The following RERE variants were observed in gnomAD, a reference collection of about 807,000 sequenced individuals.
The protein encoded by RERE is arginine-glutamic acid dipeptide repeats protein.
Under a neutral mutation model 146.1 loss-of-function variants are expected in RERE, and 40 were observed. The ratio of observed to expected loss-of-function variants is 0.27; its 90% confidence interval spans 0.21 to 0.36. The LOEUF (loss-of-function observed/expected upper bound fraction) is 0.36, where lower values mean the gene tolerates loss of function less well. Among genes scored for constraint, RERE ranks in the 10% least tolerant of loss-of-function variants. The pLI is 1.00. For synonymous variants in RERE, 1,003 were observed against 866.0 expected, an observed-to-expected ratio of 1.16 and a Z score of -2.78; for missense variants, 1,933 against 2,138.7, an observed-to-expected ratio of 0.90 and a Z score of 1.90.
chr1:8,800,098 G>A (rs1376213825), intron 1 of RERE, among the ~76,000 whole-genome samples: 1 of 152,064 alleles, frequency 6.6e-6, no homozygotes, highest in African/African-American at 2.4e-5. Flanking sequence ...ACAGGCGTGA[G>A]CCACCGCACC....
intron 11 of RERE, among the ~76,000 whole-genome samples, chr1:8,427,255 A>G (rs964776371): frequency 6.6e-6 from 1 of 152,148 alleles, no homozygotes; most frequent in Admixed American, 6.5e-5. Context: ...CTCTCCTAAC[A>G]GAGCTGACCT....
chr1:8,479,877 T>A (rs1009891423), intron 10 of RERE, among the ~76,000 whole-genome samples: 3 of 152,130 alleles, frequency 2.0e-5, no homozygotes, highest in African/African-American at 4.8e-5. Context: ...AAGAGAGCTA[T>A]AAAAAAGCAT....
At chr1:8,451,353 AC>A (rs1394178861) in intron 11 of RERE, among the ~76,000 whole-genome samples, 3 of 152,082 alleles carry the variant, frequency 2.0e-5, no homozygotes, top group Admixed American at 2.0e-4. Context: ...AACAGCTTGA[AC>A]CCGGAAGGCA....
intron 1 of RERE, among the ~76,000 whole-genome samples, chr1:8,782,082 C>G (rs1322329694): frequency 6.6e-6 from 1 of 152,128 alleles, no homozygotes; most frequent in African/African-American, 2.4e-5. Flanking sequence ...TATACTCACT[C>G]TCTCAAATTC....
intron 2 of RERE, among the ~76,000 whole-genome samples, chr1:8,628,534 C>A (rs1207427886): frequency 6.6e-6 from 1 of 152,080 alleles, no homozygotes; most frequent in Non-Finnish European, 1.5e-5. Flanking sequence ...AAAATAAACA[C>A]AATTTAGAAT....
intron 6 of RERE, among the ~76,000 whole-genome samples, chr1:8,550,050 C>T (rs1645915179): frequency 6.6e-6 from 1 of 152,144 alleles, no homozygotes; most frequent in Non-Finnish European, 1.5e-5. Context: ...TAGTCTAATG[C>T]TATTGTATCA....
At chr1:8,772,715 G>A (rs1640976634) in intron 1 of RERE, among the ~76,000 whole-genome samples, 1 of 152,116 alleles carries the variant, frequency 6.6e-6, no homozygotes, top group African/African-American at 2.4e-5. Flanking sequence ...GGAAGGTAGA[G>A]GTTGCAGTAA....
chr1:8,356,005 T>C lies in RERE; in HGVS notation c.4486+95A>G. On this transcript the variant is annotated intron_variant, in intron 21 of 22. Transcript: ENST00000400908. This position sits in a 1 kb window ranked among gnomAD's most constrained non-coding sequence, Gnocchi z 5.2. ...GGAGCGAACCCACCTGCTCAATGCA[T>C]GAATGAATGAATGAGTAATGAATGA... 1.5e-6 allele frequency: 2 copies of C among 1,292,592 alleles called. No individual in the cohort carries two copies. Among genetic ancestry groups the C allele is most frequent in the African/African-American group, 3.1e-5 (2 of 64,394 alleles). The allele number at this position is 1,292,592 out of a possible 1,614,324, so 80.1% of individuals were successfully genotyped here. A position where few individuals can be genotyped will look rare whatever the true frequency, so the allele number is the denominator to read the frequency against.
At chr1:8,777,317 C>A (rs1467596526) in intron 1 of RERE, among the ~76,000 whole-genome samples, 3 of 151,748 alleles carry the variant, frequency 2.0e-5, no homozygotes, top group Non-Finnish European at 4.4e-5. Context: ...AAATATTTTT[C>A]TTATGTTTTA....
chr1:8,507,274 C>G (rs1261320085), intron 8 of RERE, among the ~76,000 whole-genome samples: 1 of 152,160 alleles, frequency 6.6e-6, no homozygotes, highest in Non-Finnish European at 1.5e-5. Context: ...AGACCTGTCT[C>G]TGAAAAACGT....
intron 1 of RERE, among the ~76,000 whole-genome samples, chr1:8,785,142 G>GT (rs760182345): frequency 3.3e-5 from 5 of 152,116 alleles, no homozygotes; most frequent in Admixed American, 6.5e-5. Context: ...ATACAACACT[G>GT]TTTTAAAGAC....
chr1:8,378,016 T>C (rs1642318852), intron 12 of RERE, among the ~76,000 whole-genome samples: 1 of 152,232 alleles, frequency 6.6e-6, no homozygotes, highest in Non-Finnish European at 1.5e-5. Flanking sequence ...ATGGTTTTTA[T>C]GGATGCACAG....
chr1:8,668,011 T>A (rs1286852137), intron 1 of RERE, among the ~76,000 whole-genome samples: 3 of 152,194 alleles, frequency 2.0e-5, no homozygotes, highest in African/African-American at 7.2e-5. Flanking sequence ...TACAAAAATA[T>A]CTCCAGATAC....
chr1:8,765,501 T>C (rs1640829572), intron 1 of RERE, among the ~76,000 whole-genome samples: 5 of 152,180 alleles, frequency 3.3e-5, no homozygotes, highest in African/African-American at 1.2e-4. Flanking sequence ...ATATGTGAAT[T>C]GTATCTCAAT....
At chr1:8,539,270 G>A (rs1645767316) in intron 7 of RERE, among the ~76,000 whole-genome samples, 3 of 152,172 alleles carry the variant, frequency 2.0e-5, no homozygotes, top group Non-Finnish European at 2.9e-5. Context: ...AAATGCATAT[G>A]TAAAATAAAC....
At chr1:8,797,808 A>T (rs1641506936) in intron 1 of RERE, among the ~76,000 whole-genome samples, 1 of 152,212 alleles carries the variant, frequency 6.6e-6, no homozygotes, top group African/African-American at 2.4e-5. Flanking sequence ...AGTCTCTAGT[A>T]AGAGAAGCCT....
intron 1 of RERE, among the ~76,000 whole-genome samples, chr1:8,660,240 G>A (rs965613813): frequency 1.3e-5 from 2 of 152,100 alleles, no homozygotes; most frequent in African/African-American, 4.8e-5. Flanking sequence ...TTTAGCATAT[G>A]AATTATAATT....
chr1:8,370,216 C>T (rs1233985208), intron 12 of RERE, among the ~76,000 whole-genome samples: 1 of 152,130 alleles, frequency 6.6e-6, no homozygotes, highest in African/African-American at 2.4e-5. Flanking sequence ...GCACAGACCA[C>T]CGACACATGC....
intron 12 of RERE, among the ~76,000 whole-genome samples, chr1:8,401,632 C>A (rs1643266028): frequency 6.6e-6 from 1 of 151,876 alleles, no homozygotes; most frequent in African/African-American, 2.4e-5. Context: ...TGGCATCATG[C>A]ACCTGCAGTC....
Sources: gnomAD v4.1 joint callset for allele counts (sites outside exome capture counted in the v4.1 genomes callset) on GRCh38, gnomAD v4.1.1 for gene constraint, Gnocchi (gnomAD v3.1) non-coding constraint, MANE v1.5 for transcripts, NCBI Gene and HGNC (gene_info 2026-07-23, HGNC 2026-07-21) for gene names.